Variants in SEZ6L2 observed in about 807,000 individuals in gnomAD.
SEZ6L2 encodes the protein seizure 6-like protein 2.
SEZ6L2 carries 44 observed loss-of-function variants against 97.0 expected under a neutral mutation model. The ratio of observed to expected loss-of-function variants is 0.45; its 90% CI spans 0.36 to 0.58. SEZ6L2 has a LOEUF of 0.58. Ranked by LOEUF, SEZ6L2 falls within the 20% of genes least tolerant of loss-of-function variation. The pLI, the probability that SEZ6L2 is intolerant of heterozygous loss-of-function variation, is 0.00. For missense variants in SEZ6L2, 1,086 were observed against 1,233.3 expected (o/e 0.88, Z 1.79); for synonymous variants, 543 against 546.1 (o/e 0.99, Z 0.08).
chr16:29,878,110 TG>T (rs2067948645), intron 10 of SEZ6L2, among the ~76,000 whole-genome samples, 176 bp downstream of exon 10: 1 of 152,212 alleles, frequency 6.6e-6, no homozygotes, highest in African/African-American at 2.4e-5. Flanking sequence ...CTGGCTAATA[TG>T]TGATTTGAGC....
In SEZ6L2 at chr16:29,876,967, G is replaced by C. The variant is rs1220857965; in HGVS notation, c.1910-17C>G. 6.3e-7 allele frequency: 1 copy of C among 1,584,922 alleles called. No homozygotes were observed. Among genetic ancestry groups the C allele is most frequent in the African/African-American group, 1.3e-5 (1 of 74,572 alleles). On this transcript the variant is annotated splice_polypyrimidine_tract_variant and intron_variant, in intron 11 of 17. Transcript: ENST00000617533. This position sits in a 1 kb window ranked among gnomAD's most constrained non-coding sequence, Gnocchi z 6.5. ...TCGGGACCTCTGCAGGGGAGGGAAGGCGAGTTTGGAGGCTGCGTTTTAACT... is the reference window on the plus strand; with the variant it reads ...TCGGGACCTCTGCAGGGGAGGGAAGCCGAGTTTGGAGGCTGCGTTTTAACT...
chr16:29,896,958 C>A lies in SEZ6L2; in HGVS notation c.375G>T (p.Pro125=). 2 of 1,589,772 alleles carry A rather than the reference C, an allele frequency of 1.3e-6. No homozygotes were observed. The highest frequency in any genetic ancestry group is 2.3e-5 in the East Asian group (1 of 43,996). The change falls in exon 3 of 18, where the codon CCG becomes CCT. Residue 125 remains proline, a synonymous_variant. Transcript: ENST00000617533. ...GGGGTGGGGCTGTGGTTCCTGGGGG[C>A]GGGGTCAGCAGTTCTGGCGCAGTGG... ...AGPTAPELLT[P]PPGTTAPPPP... is the part of the protein sequence containing the mutation.
chr16:29,896,498 C>T (rs1567428590), intron 3 of SEZ6L2, among the ~76,000 whole-genome samples: 3 of 152,046 alleles, frequency 2.0e-5, no homozygotes, highest in Non-Finnish European at 2.9e-5. Flanking sequence ...AGGCTGGTCT[C>T]GAACTCCCGA....
chr16:29,895,207 A>AGT lies in SEZ6L2; in HGVS notation c.853+50_853+51dup, dbSNP rs1483707193. 13 of 937,986 alleles carry AGT rather than the reference A, an allele frequency of 1.4e-5. No homozygotes were observed. The East Asian group carries it at 3.3e-4, about 24-fold the overall frequency. 58.1% of individuals were successfully genotyped at this position (937,986 alleles called of 1,614,324 possible). A position where few individuals can be genotyped will look rare whatever the true frequency, so the allele number is the denominator to read the frequency against. ...AAAAAAAAAAAAAAAAAAGATGTCC[A>AGT]GTGTATGCAGTATGGCCCCTGCCCT... is the stretch of plus-strand genomic sequence containing the variant. On this transcript the variant is annotated intron_variant, in intron 5 of 17. Transcript: ENST00000617533.
At chr16:29,879,077 A>C (rs944931227) in intron 9 of SEZ6L2, among the ~76,000 whole-genome samples, 12 of 146,014 alleles carry the variant, frequency 8.2e-5, no homozygotes, top group African/African-American at 3.1e-4. Flanking sequence ...TAATTTTTGT[A>C]TTTTTAGTAG....
At chr16:29,887,570 C>G in intron 7 of SEZ6L2, 79 bp downstream of exon 7, 1 of 1,420,932 alleles carries the variant, frequency 7.0e-7, no homozygotes, top group African/African-American at 1.5e-5. Context: ...CTTCGGCCTC[C>G]CAAAGTACTG....
intron 7 of SEZ6L2, among the ~76,000 whole-genome samples, chr16:29,886,693 A>AAG (rs1163240763): frequency 1.2e-3 from 175 of 151,922 alleles, no homozygotes; most frequent in African/African-American, 4.1e-3. Context: ...AAAAAAAAAA[A>AAG]AAAGAGGATA....
At chr16:29,882,276 T>C (rs1010585098) in intron 8 of SEZ6L2, among the ~76,000 whole-genome samples, 2 of 151,880 alleles carry the variant, frequency 1.3e-5, no homozygotes, top group Non-Finnish European at 1.5e-5. Context: ...CGGGTTATTT[T>C]ATTTATTTTT....
At chr16:29,889,070 G>A (rs1463211980) in intron 5 of SEZ6L2, among the ~76,000 whole-genome samples, 1 of 124,554 alleles carries the variant, frequency 8.0e-6, no homozygotes, top group East Asian at 2.3e-4. Context: ...ACTTCATCCA[G>A]CTGTAATAAC....
intron 10 of SEZ6L2, 38 bp from the exon 11 acceptor site, chr16:29,877,505 G>A: frequency 2.0e-6 from 3 of 1,532,780 alleles, no homozygotes; most frequent in East Asian, 4.6e-5. Flanking sequence ...GCGGGGCTGC[G>A]ACTGGCCCCT....
intron 5 of SEZ6L2, among the ~76,000 whole-genome samples, chr16:29,890,060 G>A (rs771083224): frequency 2.0e-5 from 3 of 151,802 alleles, no homozygotes; most frequent in Non-Finnish European, 4.4e-5. Flanking sequence ...AGGTGTGTGC[G>A]ACCATGCCTA....
intron 3 of SEZ6L2, among the ~76,000 whole-genome samples, chr16:29,896,111 C>T (rs2150816634): frequency 6.6e-6 from 1 of 152,178 alleles, no homozygotes; most frequent in African/African-American, 2.4e-5. Context: ...CACAGGTGCA[C>T]ATCACCATGG....
Position 29,871,279 on chromosome 16 carries a change from GTCC to G in SEZ6L2, c.*417_*419del, listed in dbSNP as rs768514335. ...AGGCCTTGTCCCAGCTCTCCCCTTT[GTCC>G]TTCTTCTGACCCTCCTGGCCGGAGT... On this transcript the variant is annotated 3_prime_UTR_variant, in exon 18 of 18. Transcript: ENST00000617533. 3 of 252,384 alleles carry G rather than the reference GTCC, an allele frequency of 1.2e-5. No individual in the cohort carries two copies. The highest frequency in any genetic ancestry group is 2.4e-5 in the Non-Finnish European group (3 of 126,352). 15.6% of individuals were successfully genotyped at this position (252,384 alleles called of 1,614,324 possible).
chr16:29,886,194 C>T (rs771376388), intron 7 of SEZ6L2, among the ~76,000 whole-genome samples: 5 of 152,062 alleles, frequency 3.3e-5, no homozygotes, highest in Non-Finnish European at 4.4e-5. Flanking sequence ...CATGGTAAAA[C>T]CCCATGTTTA....
At chr16:29,897,209 C>A in intron 2 of SEZ6L2, 88 bp from the exon 3 acceptor site, 1 of 1,173,660 alleles carries the variant, frequency 8.5e-7, no homozygotes. Flanking sequence ...CTAGGGGTTC[C>A]CCTGCCATAC....
chr16:29,889,806 T>G (rs1295748874), intron 5 of SEZ6L2, among the ~76,000 whole-genome samples: 1 of 151,328 alleles, frequency 6.6e-6, no homozygotes, highest in Admixed American at 6.6e-5. Context: ...TTTTAAATTT[T>G]TTGTAGAGAT....
chr16:29,876,725 G>T lies in SEZ6L2; in HGVS notation c.2104+31C>A. 1 of 1,509,276 alleles carries T rather than the reference G, an allele frequency of 6.6e-7. No homozygotes were observed. The highest frequency in any genetic ancestry group is 8.9e-7 in the Non-Finnish European group (1 of 1,124,908). 93.5% of individuals were successfully genotyped at this position (1,509,276 alleles called of 1,614,324 possible). On this transcript the variant is annotated intron_variant, in intron 12 of 17. Coordinates refer to ENST00000617533, the MANE Select transcript of SEZ6L2 (RefSeq NM_001243332.2). This position sits in a 1 kb window ranked among gnomAD's most constrained non-coding sequence, Gnocchi z 6.5. ...GACGGGGCCCACAGGGAAGGGGCGG[G>T]GCCGAGGGGACGCGGGCGGGGCCGG...
At position 29,871,648 on chromosome 16, in the gene SEZ6L2, C is replaced by G; in HGVS notation, c.*51G>C. On this transcript the variant is annotated 3_prime_UTR_variant, in exon 18 of 18. Coordinates refer to ENST00000617533, the MANE Select transcript of SEZ6L2 (RefSeq NM_001243332.2). Reference sequence around the variant, plus strand: ...ACCGGGTCCCGTATTTCCCTCTGCCCGAATGAGGAGGGGAGGGGCGTCCTG... The same window carrying G: ...ACCGGGTCCCGTATTTCCCTCTGCCGGAATGAGGAGGGGAGGGGCGTCCTG... 6.3e-7 allele frequency: 1 copy of G among 1,580,236 alleles called. No individual in the cohort carries two copies.
Position 29,888,731 on chromosome 16 carries a change from C to A in SEZ6L2, c.854-6G>T. 6.2e-7 allele frequency: 1 copy of A among 1,607,794 alleles called. No individual in the cohort carries two copies. The highest frequency in any genetic ancestry group is 8.5e-7 in the Non-Finnish European group (1 of 1,176,900). The stretch of plus-strand genomic sequence containing the variant: ...GCCACAGCTCAGGAGGTAGGCTGCA[C>A]CAGACAGACAGCGGGTAGCAGGGCT... On this transcript the variant is annotated splice_polypyrimidine_tract_variant and splice_region_variant and intron_variant, in intron 5 of 17. Coordinates refer to ENST00000617533, the MANE Select transcript of SEZ6L2 (RefSeq NM_001243332.2).
Sources: allele counts gnomAD v4.1 joint callset (sites outside exome capture counted in the v4.1 genomes callset), GRCh38; gene constraint gnomAD v4.1.1; non-coding constraint Gnocchi (gnomAD v3.1); transcripts MANE v1.5; gene names NCBI Gene and HGNC (gene_info 2026-07-23, HGNC 2026-07-21).